The following RELL1 variants were observed in gnomAD, a reference collection of about 807,000 sequenced individuals.
RELL1 encodes the protein RELT-like protein 1.
Under a neutral mutation model 23.0 loss-of-function variants are expected in RELL1, and 10 were observed. The observed-to-expected ratio is 0.43, with a 90% CI of 0.27 to 0.74. RELL1 has a LOEUF of 0.74. Ranked by LOEUF, RELL1 falls within the 30% of genes least tolerant of loss-of-function variation. The pLI is 0.19. For missense variants in RELL1, 315 were observed against 364.4 expected (o/e 0.86, Z 1.10); for synonymous variants, 146 against 146.8 (o/e 0.99, Z 0.04).
At position 37,626,544 on chromosome 4, in the gene RELL1, T is replaced by C. The variant is rs545907251; in HGVS notation, c.*3+4841A>G. 1.7e-4 allele frequency among the ~76,000 whole-genome samples: 26 copies of C among 152,218 alleles called. 1 individual carries two copies. Among genetic ancestry groups the C allele is most frequent in the African/African-American group, 5.3e-4 (22 of 41,522 alleles). On this transcript the variant is annotated intron_variant, in intron 6 of 6. Coordinates refer to ENST00000454158, the MANE Select transcript of RELL1 (RefSeq NM_001085400.2). ...CAACAATCCCACTTCTCAGTACATA[T>C]CCAGAGGTACTGAAATCAGTATGTC...
chr4:37,591,393 G>C (rs1461675624), intron 6 of RELL1: 1 of 159,960 alleles, frequency 6.3e-6, no homozygotes, highest in East Asian at 1.8e-4. Flanking sequence ...CATTCCTTTT[G>C]ACTGTAAACT....
intron 1 of RELL1, among the ~76,000 whole-genome samples, chr4:37,680,026 G>A (rs1447001282): frequency 6.6e-6 from 1 of 152,092 alleles, no homozygotes; most frequent in South Asian, 2.1e-4. Flanking sequence ...AAGCCTACAA[G>A]AAAAACTTGT....
Position 37,649,316 on chromosome 4 carries a change from T to C in RELL1, c.273A>G (p.Glu91=). The C allele has an allele frequency of 8.1e-6, 13 of 1,614,274 alleles. No homozygotes were observed. The highest frequency in any genetic ancestry group is 1.1e-5 in the Non-Finnish European group (13 of 1,180,050). ...TTTCCTCTTCGATATCTTGCTCTGC[T>C]TCTGTTGTACAACGATAGCCTTTCT... ...LKKKGYRCTT[E]AEQDIEEEKV... is the part of the protein sequence containing the mutation. Residue 91 remains glutamate, a synonymous_variant, in exon 2 of 7, where the codon GAA becomes GAG. Coordinates refer to ENST00000454158, the MANE Select transcript of RELL1 (RefSeq NM_001085400.2).
intron 1 of RELL1, among the ~76,000 whole-genome samples, chr4:37,650,680 T>C (rs1219448021): frequency 6.6e-6 from 1 of 151,806 alleles, no homozygotes; most frequent in Non-Finnish European, 1.5e-5. Context: ...CACATGAATA[T>C]ATATATGAGA....
intron 6 of RELL1, among the ~76,000 whole-genome samples, chr4:37,627,639 T>C (rs1173076989): frequency 6.6e-6 from 1 of 152,110 alleles, no homozygotes; most frequent in Non-Finnish European, 1.5e-5. Flanking sequence ...GCCACAGTCT[T>C]GATAACATTC....
chr4:37,661,560 G>A (rs113115379), intron 1 of RELL1, among the ~76,000 whole-genome samples: 159 of 152,266 alleles, frequency 1.0e-3, no homozygotes, highest in African/African-American at 3.6e-3. Flanking sequence ...GATTACAGGC[G>A]TGAGCCACCG....
At chr4:37,681,519 T>G (rs201780577) in intron 1 of RELL1, among the ~76,000 whole-genome samples, 362 of 2,024 alleles carry the variant, frequency 0.18, 8 homozygotes, top group Middle Eastern at 0.5. Flanking sequence ...TCTCCTTCTG[T>G]TTTTTTTTTT....
chr4:37,596,738 T>TA (rs61256232), intron 6 of RELL1, among the ~76,000 whole-genome samples: 17 of 18,510 alleles, frequency 9.2e-4, no homozygotes, highest in African/African-American at 2.4e-3. Flanking sequence ...ATATATATAT[T>TA]TTTTTTTTTT....
At chr4:37,605,879 A>C (rs1719199098), downstream of RELL1, among the ~76,000 whole-genome samples, 1 of 143,242 alleles carries the variant, frequency 7.0e-6, no homozygotes, top group African/African-American at 2.5e-5. Context: ...AAAGGAAAGA[A>C]GGAAAGAAAG....
In RELL1 at chr4:37,635,064, C is replaced by A; in HGVS notation, c.503G>T (p.Gly168Val). The change falls in exon 5 of 7, where the codon GGG (glycine) becomes GTG (valine). Residue 168 changes from glycine (G) to valine (V), a missense_variant. Transcript: ENST00000454158. ...PPVSPGPLSPGGTPGKHVCGH... is the reference protein window; with the variant it reads ...PPVSPGPLSPVGTPGKHVCGH... ...ACAGACGTGCTTCCCTGGCGTCCCCCCTGGTGACAAAGGCCCAGGACTCAC... is the reference window on the plus strand; with the variant it reads ...ACAGACGTGCTTCCCTGGCGTCCCCACTGGTGACAAAGGCCCAGGACTCAC... 6.2e-7 allele frequency: 1 copy of A among 1,614,218 alleles called. No homozygotes were observed.
intron 1 of RELL1, among the ~76,000 whole-genome samples, chr4:37,660,923 C>T (rs1371431347): frequency 1.3e-5 from 2 of 151,588 alleles, no homozygotes; most frequent in African/African-American, 2.4e-5. Flanking sequence ...CCCAGCTACT[C>T]GGGAGGCTGA....
chr4:37,672,476 A>G (rs1487572665), intron 1 of RELL1, among the ~76,000 whole-genome samples: 1 of 152,216 alleles, frequency 6.6e-6, no homozygotes, highest in Admixed American at 6.5e-5. Context: ...TTACTCACTA[A>G]TATATCAAGA....
At chr4:37,646,932 C>A (rs898379855) in intron 3 of RELL1, among the ~76,000 whole-genome samples, 1 of 152,058 alleles carries the variant, frequency 6.6e-6, no homozygotes, top group African/African-American at 2.4e-5. Context: ...ACTATTTTGC[C>A]CAGGCTGGTC....
intron 3 of RELL1, among the ~76,000 whole-genome samples, chr4:37,641,860 C>G (rs1015260175): frequency 2.6e-5 from 4 of 152,204 alleles, no homozygotes; most frequent in African/African-American, 4.8e-5. Flanking sequence ...TGCCTGAAAG[C>G]TTTACCGATC....
intron 1 of RELL1, among the ~76,000 whole-genome samples, chr4:37,662,984 T>G (rs1310506651): frequency 6.6e-6 from 1 of 152,184 alleles, no homozygotes; most frequent in Non-Finnish European, 1.5e-5. Flanking sequence ...TTATTTGCTT[T>G]GGGATACAGG....
At chr4:37,664,698 C>G (rs1721471119) in intron 1 of RELL1, among the ~76,000 whole-genome samples, 1 of 152,116 alleles carries the variant, frequency 6.6e-6, no homozygotes, top group South Asian at 2.1e-4. Flanking sequence ...ACACACTTTT[C>G]AATGCACTTT....
intron 1 of RELL1, among the ~76,000 whole-genome samples, chr4:37,651,026 C>G (rs1218631259): frequency 1.4e-5 from 2 of 145,814 alleles, no homozygotes; most frequent in Non-Finnish European, 3.0e-5. Context: ...CACCACTGCA[C>G]TTCAGCCTGG....
At chr4:37,674,814 C>T (rs779588086) in intron 1 of RELL1, among the ~76,000 whole-genome samples, 17 of 152,210 alleles carry the variant, frequency 1.1e-4, no homozygotes, top group Non-Finnish European at 2.2e-4. Context: ...TTTACATCTA[C>T]GCATGGGGAA....
rs796894476 is a variant in RELL1, at chr4:37,604,888, G to T, written c.*4-13671C>A. On this transcript the variant is annotated intron_variant, in intron 6 of 6. Transcript: ENST00000314117. Reference sequence around the variant, plus strand: ...ACAGACACACACACACATACACACAGACACACACACAGACACACACACACA... The same window carrying T: ...ACAGACACACACACACATACACACATACACACACACAGACACACACACACA... Among the ~76,000 whole-genome samples, 14 of 63,508 alleles carry T rather than the reference G, an allele frequency of 2.2e-4. 1 individual carries two copies. The highest frequency in any genetic ancestry group is 1.1e-3 in the African/African-American group (14 of 13,304). The allele number at this position is 63,508 out of a possible 152,430, so 41.7% of individuals were successfully genotyped here.
Sources: gnomAD v4.1 joint callset for allele counts (sites outside exome capture counted in the v4.1 genomes callset) on GRCh38, gnomAD v4.1.1 for gene constraint, MANE v1.5 for transcripts, NCBI Gene and HGNC (gene_info 2026-07-23, HGNC 2026-07-21) for gene names.